MROH1: variants seen among roughly 807,000 people sequenced by gnomAD.
MROH1 encodes maestro heat-like repeat-containing protein family member 1.
In MROH1, 117 loss-of-function variants were observed where a neutral mutation model predicts 116.5. The ratio of observed to expected loss-of-function variants is 1.00; its 90% CI spans 0.86 to 1.17. MROH1 has a LOEUF of 1.17. Ranked by LOEUF, MROH1 falls within the 50% of genes most tolerant of loss-of-function variation. The pLI, the probability that MROH1 is intolerant of heterozygous loss-of-function variation, is 0.00. For missense variants in MROH1, 1,873 were observed against 1,338.5 expected (o/e 1.40, Z -6.23); for synonymous variants, 921 against 583.9 (o/e 1.58, Z -8.32).
At chr8:144,223,364 G>C in intron 14 of MROH1, 134 bp downstream of exon 14, 1 of 1,185,836 alleles carries the variant, frequency 8.4e-7, no homozygotes. Context: ...GGTGCCCTCT[G>C]CTGTCTTTTG....
chr8:144,236,183 G>C (rs1269984185), intron 14 of MROH1, among the ~76,000 whole-genome samples: 2 of 152,166 alleles, frequency 1.3e-5, no homozygotes, highest in African/African-American at 4.8e-5. Context: ...TTGTTGAATA[G>C]CTCAGGTATG....
At position 144,212,675 on chromosome 8, in the gene MROH1, T is replaced by A. The variant is rs536704097; in HGVS notation, c.1142-7925T>A. Among the ~76,000 whole-genome samples the A allele has an allele frequency of 5.0e-4, 75 of 151,202 alleles. 1 individual carries two copies. The highest frequency in any genetic ancestry group is 8.7e-4 in the Non-Finnish European group (59 of 67,824). On this transcript the variant is annotated intron_variant, in intron 12 of 43. Transcript: ENST00000326134. ...TGGGATCATGGCTTACTGTAACCTC[T>A]GTTTTCCAGGTTCAAGCGATTCTCA... is the stretch of plus-strand genomic sequence containing the variant.
At position 144,163,756 on chromosome 8, in the gene MROH1, T is replaced by C. The variant is rs1820111970; in HGVS notation, c.-56-15T>C. 2.6e-6 allele frequency: 4 copies of C among 1,536,320 alleles called. No individual in the cohort carries two copies. The highest frequency in any genetic ancestry group is 3.6e-6 in the Non-Finnish European group (4 of 1,114,708). On this transcript the variant is annotated splice_polypyrimidine_tract_variant and intron_variant, in intron 2 of 43. Coordinates refer to ENST00000326134, the MANE Select transcript of MROH1 (RefSeq NM_032450.3). This position sits in a 1 kb window ranked among gnomAD's most constrained non-coding sequence, Gnocchi z 4.4. ...GAGGCTTATGAATTAAATCTTGTGA[T>C]TTTGGTTATTCCAGATGGGAGAAGA...
chr8:144,238,801 G>T lies in MROH1; in HGVS notation c.1384G>T (p.Val462Leu). The T allele has an allele frequency of 1.3e-6, 1 of 774,826 alleles. No individual in the cohort carries two copies. Among genetic ancestry groups the T allele is most frequent in the South Asian group, 1.3e-5 (1 of 74,560 alleles). The allele number at this position is 774,826 out of a possible 1,614,324, so 48.0% of individuals were successfully genotyped here. ...PGSKDPKADSVRAISVRTLYL... is the reference protein window; with the variant it reads ...PGSKDPKADSLRAISVRTLYL... Reference sequence around the variant, plus strand: ...CAGCAAGGACCCCAAGGCCGACAGCGTGCGGGCCATCAGCGTGCGCACCCT... The same window carrying T: ...CAGCAAGGACCCCAAGGCCGACAGCTTGCGGGCCATCAGCGTGCGCACCCT... The change falls in exon 15 of 44, where the codon GTG becomes TTG. Residue 462 changes from valine to leucine, a missense_variant. By Grantham distance (32) the Val-to-Leu change is conservative (BLOSUM62 1). Transcript: ENST00000326134.
intron 12 of MROH1, among the ~76,000 whole-genome samples, chr8:144,219,960 G>A (rs73368439): frequency 0.061 from 9,210 of 152,206 alleles, 960 homozygotes; most frequent in African/African-American, 0.21. Flanking sequence ...TTGGGTTGTC[G>A]TGACCCTTCT....
At chr8:144,159,252 G>A (rs970757159) in intron 1 of MROH1, among the ~76,000 whole-genome samples, 5 of 152,190 alleles carry the variant, frequency 3.3e-5, no homozygotes, top group Non-Finnish European at 7.4e-5. Flanking sequence ...CAGCTCCTGG[G>A]GAGGCTGAGG....
intron 4 of MROH1, among the ~76,000 whole-genome samples, chr8:144,177,014 C>T (rs1824162253): frequency 1.3e-5 from 2 of 152,128 alleles, no homozygotes; most frequent in South Asian, 4.1e-4. Flanking sequence ...GGAAATCTAA[C>T]AGTGAAAATC....
At chr8:144,257,888 G>A (rs1297097315) in intron 35 of MROH1, among the ~76,000 whole-genome samples, 24 of 152,258 alleles carry the variant, frequency 1.6e-4, no homozygotes, top group Non-Finnish European at 5.9e-5. Context: ...AGTGTGAGGT[G>A]CTCGAGGGCA....
chr8:144,198,978 C>T (rs1830508350), intron 10 of MROH1, 144 bp from the exon 11 acceptor site: 2 of 709,922 alleles, frequency 2.8e-6, no homozygotes, highest in African/African-American at 1.8e-5. Flanking sequence ...TGAGAAAGAG[C>T]CTGGAGCGCC....
At chr8:144,201,224 CTT>C (rs374700220) in intron 12 of MROH1, 102 of 152,100 alleles carry the variant, frequency 6.7e-4, no homozygotes, top group African/African-American at 2.3e-3. Context: ...GCCCAGCTAA[CTT>C]TTGTATTTTT....
intron 3 of MROH1, among the ~76,000 whole-genome samples, chr8:144,165,638 T>G (rs773777795): frequency 5.9e-5 from 9 of 151,504 alleles, no homozygotes; most frequent in Non-Finnish European, 1.2e-4. Context: ...GTGGTGGTGC[T>G]CTCTCAGCTC....
At chr8:144,152,386 A>T (rs1021290937) in intron 1 of MROH1, among the ~76,000 whole-genome samples, 69 of 85,180 alleles carry the variant, frequency 8.1e-4, no homozygotes, top group Middle Eastern at 6.8e-3. Context: ...TTTTTTATTT[A>T]AAAAAAATTT....
At position 144,250,281 on chromosome 8, in the gene MROH1, G is replaced by A. The variant is rs1230066195; in HGVS notation, c.3343G>A (p.Ala1115Thr). 7 of 766,406 alleles carry A rather than the reference G, an allele frequency of 9.1e-6. No homozygotes were observed. Among genetic ancestry groups the A allele is most frequent in the Admixed American group, 3.4e-5 (2 of 58,262 alleles). The allele number at this position is 766,406 out of a possible 1,614,324, so 47.5% of individuals were successfully genotyped here. ...EAQGEHVLPA[A>T]QHSVYLLATQ... ...CCAGGGAGAGCACGTCCTGCCGGCC[G>A]CCCAGCACAGCGTGTACCTCCTGGC... The change falls in exon 33 of 44, where the codon GCC becomes ACC. Residue 1115 changes from alanine to threonine, a missense_variant. Coordinates refer to ENST00000326134, the MANE Select transcript of MROH1 (RefSeq NM_032450.3).
At chr8:144,181,798 G>A (rs980154065) in intron 7 of MROH1, among the ~76,000 whole-genome samples, 1 of 152,122 alleles carries the variant, frequency 6.6e-6, no homozygotes, top group Non-Finnish European at 1.5e-5. Flanking sequence ...GAACGGGGCC[G>A]CTGGGGCGCC....
chr8:144,218,748 C>CT (rs1835938001), intron 12 of MROH1, among the ~76,000 whole-genome samples: 1 of 33,512 alleles, frequency 3.0e-5, no homozygotes, highest in Non-Finnish European at 5.6e-5. Context: ...CCCCTCCCCT[C>CT]TCGCTTCCCC....
chr8:144,240,176 T>C, intron 19 of MROH1, 23 bp downstream of exon 19: 1 of 765,960 alleles, frequency 1.3e-6, no homozygotes, highest in Non-Finnish European at 2.4e-6. Flanking sequence ...GTACGGCCCA[T>C]CCTGGGCCTT....
Position 144,238,752 on chromosome 8 carries a change from C to T in MROH1, c.1339-4C>T. On this transcript the variant is annotated splice_polypyrimidine_tract_variant and splice_region_variant and intron_variant, in intron 14 of 43. Transcript: ENST00000326134. ...GCACGCCTTTGCCTTTTGCCTTCCT[C>T]CAGCCTGAGAAGCCAGGCCCCGGCA... 1.3e-6 allele frequency: 1 copy of T among 771,464 alleles called. No homozygotes were observed. Among genetic ancestry groups the T allele is most frequent in the Non-Finnish European group, 2.4e-6 (1 of 417,674 alleles). The allele number at this position is 771,464 out of a possible 1,614,324, so 47.8% of individuals were successfully genotyped here.
chr8:144,167,391 G>GGGGTGGAGTGGCCGGTTGTT (rs1821148155), intron 3 of MROH1, among the ~76,000 whole-genome samples: 1 of 121,742 alleles, frequency 8.2e-6, no homozygotes, highest in Admixed American at 7.8e-5. Context: ...GGCCGGTTGT[G>GGGGTGGAGTGGCCGGTTGTT]GGGTGGAGTG....
At chr8:144,208,811 T>A (rs1833432681) in intron 12 of MROH1, among the ~76,000 whole-genome samples, 1 of 151,866 alleles carries the variant, frequency 6.6e-6, no homozygotes, top group East Asian at 1.9e-4. Context: ...GCAGCCTCTG[T>A]CTCTTGGGTT....
Sources: allele counts gnomAD v4.1 joint callset (sites outside exome capture counted in the v4.1 genomes callset), GRCh38; gene constraint gnomAD v4.1.1; non-coding constraint Gnocchi (gnomAD v3.1); transcripts MANE v1.5; gene names NCBI Gene and HGNC (gene_info 2026-07-23, HGNC 2026-07-21).